The following ZNF587B variants were observed in gnomAD, a reference collection of about 807,000 sequenced individuals.
ZNF587B encodes zinc finger protein 587B.
In ZNF587B, 6 loss-of-function variants were observed where a neutral mutation model predicts 7.2. The observed-to-expected ratio is 0.83, with a 90% confidence interval of 0.46 to 1.65. The LOEUF (loss-of-function observed/expected upper bound fraction) is 1.65. Ranked by LOEUF, ZNF587B falls within the 40% of genes most tolerant of loss-of-function variation. The pLI, the probability that ZNF587B is intolerant of heterozygous loss-of-function variation, is 0.01. For missense variants in ZNF587B, 749 were observed against 761.0 expected (o/e 0.98, Z 0.19); for synonymous variants, 274 against 254.3 (o/e 1.08, Z -0.74).
In ZNF587B at chr19:57,843,100, A is replaced by G. The variant is rs1055165800; in HGVS notation, c.*524A>G. 9 of 657,346 alleles carry G rather than the reference A, an allele frequency of 1.4e-5. No homozygotes were observed. The highest frequency in any genetic ancestry group is 1.7e-5 in the Non-Finnish European group (9 of 530,780). The allele number at this position is 657,346 out of a possible 1,614,324, so 40.7% of individuals were successfully genotyped here. A position where few individuals can be genotyped will look rare whatever the true frequency, so the allele number is the denominator to read the frequency against. ...ATCCTCCGCCCCCTAGGCTCAAGTG[A>G]TCTTCCCACCTTAGCCTCCATGTAG... On this transcript the variant is annotated 3_prime_UTR_variant, in exon 3 of 3. Coordinates refer to ENST00000594901, the MANE Select transcript of ZNF587B (RefSeq NM_001376223.1).
At chr19:57,831,404 T>C (rs1988387104) in intron 1 of ZNF587B, among the ~76,000 whole-genome samples, 1 of 152,226 alleles carries the variant, frequency 6.6e-6, no homozygotes, top group African/African-American at 2.4e-5. Flanking sequence ...TTATTTTTTA[T>C]TTTTTTGAGA....
At chr19:57,832,634 CAGTT>C (rs1322468311) in intron 1 of ZNF587B, among the ~76,000 whole-genome samples, 6 of 152,326 alleles carry the variant, frequency 3.9e-5, no homozygotes, top group African/African-American at 1.4e-4. Flanking sequence ...GGGCATTAAA[CAGTT>C]AGGTGTTTAT....
At position 57,831,075 on chromosome 19, in the gene ZNF587B, C is replaced by G. The variant is rs371153492; in HGVS notation, c.36+511C>G. ...TTGGGCGTTATCAATCAGACGAATT[C>G]CTGGGAACTGCGGATATAGCTCGCC... On this transcript the variant is annotated intron_variant, in intron 1 of 2. Coordinates refer to ENST00000594901, the MANE Select transcript of ZNF587B (RefSeq NM_001376223.1). Among the ~76,000 whole-genome samples the G allele has an allele frequency of 6.6e-5, 10 of 152,260 alleles. No homozygotes were observed. The East Asian group carries it at 1.7e-3, about 26-fold the overall frequency.
rs958030892 is a variant in ZNF587B, at chr19:57,843,839, A to G, written c.*1263A>G. 6.6e-6 allele frequency among the ~76,000 whole-genome samples: 1 copy of G among 151,926 alleles called. No homozygotes were observed. Among genetic ancestry groups the G allele is most frequent in the African/African-American group, 2.4e-5 (1 of 41,366 alleles). ...CTGATCTTGAACTCCTAACCTCGTG[A>G]TCCACCTGCCTTGGCCTCCCAAAGT... On this transcript the variant is annotated 3_prime_UTR_variant, in exon 3 of 3. Coordinates refer to ENST00000594901, the MANE Select transcript of ZNF587B (RefSeq NM_001376223.1).
At chr19:57,834,150 C>T (rs1988521859) in intron 1 of ZNF587B, among the ~76,000 whole-genome samples, 1 of 127,302 alleles carries the variant, frequency 7.9e-6, no homozygotes, top group Non-Finnish European at 1.7e-5. Flanking sequence ...ACTTCAGAGC[C>T]CTCCAGCCCA....
rs774245350 is a variant in ZNF587B at position 57,841,406 on chromosome 19, C to T, written c.732C>T (p.Cys244=). Reference sequence around the variant, plus strand: ...TCCCTCGAGAAGAATGTTATGTGTGCTGTGAATGTGGGAAATCCTTTAGCA... The same window carrying T: ...TCCCTCGAGAAGAATGTTATGTGTGTTGTGAATGTGGGAAATCCTTTAGCA... ...RLLPREECYV[C]CECGKSFSKY... Residue 244 remains cysteine, a synonymous_variant, in exon 3 of 3, where the codon TGC becomes TGT. Transcript: ENST00000594901. 26 of 1,585,566 alleles carry T rather than the reference C, an allele frequency of 1.6e-5. 1 individual carries two copies. In the South Asian group the frequency reaches 2.6e-4, roughly 16 times the overall value.
In ZNF587B at chr19:57,843,090, G is replaced by C; in HGVS notation, c.*514G>C. ...AGCTCACTGCATCCTCCGCCCCCTA[G>C]GCTCAAGTGATCTTCCCACCTTAGC... On this transcript the variant is annotated 3_prime_UTR_variant, in exon 3 of 3. Transcript: ENST00000594901. 5 of 713,964 alleles carry C rather than the reference G, an allele frequency of 7.0e-6. No homozygotes were observed. In the South Asian group the frequency reaches 1.9e-4, roughly 27 times the overall value. The allele number at this position is 713,964 out of a possible 1,614,324, so 44.2% of individuals were successfully genotyped here.
In ZNF587B at chr19:57,841,414, G is replaced by A; in HGVS notation, c.740G>A (p.Cys247Tyr). 6.3e-7 allele frequency: 1 copy of A among 1,584,954 alleles called. No homozygotes were observed. Among genetic ancestry groups the A allele is most frequent in the South Asian group, 1.1e-5 (1 of 88,046 alleles). Residue 247 changes from cysteine to tyrosine, a missense_variant, in exon 3 of 3, where the codon TGT becomes TAT. By Grantham distance (194) the Cys-to-Tyr change is radical. This residue lies in a region of ZNF587B where 656 missense variants were observed against 596.5 expected (regional missense o/e 1.10). Transcript: ENST00000594901. ...PREECYVCCECGKSFSKYVSF... is the reference protein window; with the variant it reads ...PREECYVCCEYGKSFSKYVSF... The stretch of plus-strand genomic sequence containing the variant: ...GAAGAATGTTATGTGTGCTGTGAAT[G>A]TGGGAAATCCTTTAGCAAATATGTT...
Position 57,841,532 on chromosome 19 carries a change from TCAACATCAG to T in ZNF587B, c.862_870del (p.His288_Gln290del). 1 of 1,582,712 alleles carries T rather than the reference TCAACATCAG, an allele frequency of 6.3e-7. No homozygotes were observed. The highest frequency in any genetic ancestry group is 8.6e-7 in the Non-Finnish European group (1 of 1,163,744). On this transcript the variant is annotated inframe_deletion, in exon 3 of 3. Transcript: ENST00000594901. ...CTTTTAGTCAAAAGAGCAGCCTCAT[TCAACATCAG>T]CAATTTCACACTGGAGGAAAACCTT...
At chr19:57,840,007 G>C in intron 2 of ZNF587B, among the ~76,000 whole-genome samples, 1 of 145,356 alleles carries the variant, frequency 6.9e-6, no homozygotes, top group Admixed American at 7.2e-5. Flanking sequence ...GAACCCAGGA[G>C]GCAGAGGTGG....
Position 57,843,007 on chromosome 19 carries a change from T to C in ZNF587B, c.*431T>C. On this transcript the variant is annotated 3_prime_UTR_variant, in exon 3 of 3. Transcript: ENST00000594901. ...ATAGGGAATGTTATTATTTTTTCCT[T>C]TTTTTGGAGAGACGGTCTCACTCCA... The C allele has an allele frequency of 1.0e-6, 1 of 982,154 alleles. No homozygotes were observed. Among genetic ancestry groups the C allele is most frequent in the East Asian group, 1.1e-4 (1 of 8,786 alleles). The allele number at this position is 982,154 out of a possible 1,614,324, so 60.8% of individuals were successfully genotyped here. A position where few individuals can be genotyped will look rare whatever the true frequency, so the allele number is the denominator to read the frequency against.
rs1002777417 is a variant in ZNF587B at position 57,843,014 on chromosome 19, G to C, written c.*438G>C. ...ATGTTATTATTTTTTCCTTTTTTTG[G>C]AGAGACGGTCTCACTCCATCACCCA... On this transcript the variant is annotated 3_prime_UTR_variant, in exon 3 of 3. Coordinates refer to ENST00000594901, the MANE Select transcript of ZNF587B (RefSeq NM_001376223.1). 39 of 976,810 alleles carry C rather than the reference G, an allele frequency of 4.0e-5. 2 individuals carry two copies. Among genetic ancestry groups the C allele is most frequent in the Middle Eastern group, 1.1e-3 (2 of 1,892 alleles). The allele number at this position is 976,810 out of a possible 1,614,324, so 60.5% of individuals were successfully genotyped here. A position where few individuals can be genotyped will look rare whatever the true frequency, so the allele number is the denominator to read the frequency against.
Position 57,838,825 on chromosome 19 carries a change from T to C in ZNF587B, c.37-198T>C, listed in dbSNP as rs2122230629. On this transcript the variant is annotated intron_variant, in intron 1 of 2. Transcript: ENST00000594901. ...GCCTGTCAGGAGTGGGTGGACTTTA[T>C]GTCACAGCCACTGCACAGATACCTA... 1.3e-5 allele frequency among the ~76,000 whole-genome samples: 2 copies of C among 152,168 alleles called. 1 individual carries two copies. Among genetic ancestry groups the C allele is most frequent in the East Asian group, 3.9e-4 (2 of 5,192 alleles).
Position 57,842,912 on chromosome 19 carries a change from C to T in ZNF587B, c.*336C>T, listed in dbSNP as rs1053733939. 99 of 985,312 alleles carry T rather than the reference C, an allele frequency of 1.0e-4. No individual in the cohort carries two copies. Among genetic ancestry groups the T allele is most frequent in the Non-Finnish European group, 1.1e-4 (95 of 829,952 alleles). 61.0% of individuals were successfully genotyped at this position (985,312 alleles called of 1,614,324 possible). A position where few individuals can be genotyped will look rare whatever the true frequency, so the allele number is the denominator to read the frequency against. On this transcript the variant is annotated 3_prime_UTR_variant, in exon 3 of 3. Transcript: ENST00000594901. ...TGAATGTAATGTTTGCAAAAAAGCA[C>T]TGTGCCTTCTGTCATTGAATCCTAG... is the stretch of plus-strand genomic sequence containing the variant.
rs1441321796 is a variant in ZNF587B at position 57,839,099 on chromosome 19, G to T, written c.113G>T (p.Cys38Phe). The stretch of plus-strand genomic sequence containing the variant: ...AATCTCCTTAGTGAGGCTCAGAGAT[G>T]CCTGTACCGTGATGTGACTCTGGAG... ...EWNLLSEAQR[C>F]LYRDVTLENL... is the part of the protein sequence containing the mutation. Residue 38 changes from cysteine (C) to phenylalanine (F), a missense_variant, in exon 2 of 3, where the codon TGC (cysteine) becomes TTC (phenylalanine). Physicochemically the swap from Cys to Phe is radical, Grantham distance 205 (BLOSUM62 -2). This residue lies in a region of ZNF587B where 72 missense variants were observed against 147.8 expected (regional missense o/e 0.49). Transcript: ENST00000594901. 2.5e-6 allele frequency: 4 copies of T among 1,614,184 alleles called. No individual in the cohort carries two copies. Among genetic ancestry groups the T allele is most frequent in the South Asian group, 2.2e-5 (2 of 91,082 alleles).
intron 1 of ZNF587B, among the ~76,000 whole-genome samples, chr19:57,836,996 C>T (rs1988639404): frequency 6.8e-6 from 1 of 147,698 alleles, no homozygotes; most frequent in African/African-American, 2.6e-5. Context: ...TGTATCCTAG[C>T]CTCTGAAGCC....
intron 1 of ZNF587B, among the ~76,000 whole-genome samples, chr19:57,832,540 C>T (rs1334573022): frequency 3.9e-5 from 6 of 152,158 alleles, no homozygotes; most frequent in African/African-American, 1.2e-4. Flanking sequence ...CTCCAGGATT[C>T]GTCTTTGGTG....
At chr19:57,831,014 G>A (rs1444202936) in intron 1 of ZNF587B, among the ~76,000 whole-genome samples, 1 of 152,184 alleles carries the variant, frequency 6.6e-6, no homozygotes, top group Admixed American at 6.5e-5. Context: ...AGGTGCAGGG[G>A]CTTTAAGACT....
At chr19:57,836,094 T>C (rs1418366151) in intron 1 of ZNF587B, among the ~76,000 whole-genome samples, 1 of 151,598 alleles carries the variant, frequency 6.6e-6, no homozygotes, top group Admixed American at 6.6e-5. Flanking sequence ...GCATAGCTTG[T>C]CGTGGGGCAG....
Sources: gnomAD v4.1 joint callset for allele counts (sites outside exome capture counted in the v4.1 genomes callset) on GRCh38, gnomAD v4.1.1 for gene constraint, gnomAD v4.1.1 regional missense constraint, MANE v1.5 for transcripts, NCBI Gene and HGNC (gene_info 2026-07-23, HGNC 2026-07-21) for gene names.